TNKS1BP1: variants seen among roughly 807,000 people sequenced by gnomAD.
TNKS1BP1 encodes the protein 182 kDa tankyrase-1-binding protein.
In TNKS1BP1, 48 loss-of-function variants were observed where a neutral mutation model predicts 141.1. The ratio of observed to expected loss-of-function variants is 0.34; its 90% CI spans 0.27 to 0.43. The LOEUF is 0.43. TNKS1BP1 is among the 20% of genes least tolerant of loss of function. The pLI is 1.00. For synonymous variants in TNKS1BP1, 875 were observed against 898.2 expected (o/e 0.97, Z 0.46); for missense variants, 2,149 against 2,226.0 (o/e 0.97, Z 0.70).
chr11:57,322,573 A>AT (rs1307140636), intron 1 of TNKS1BP1, among the ~76,000 whole-genome samples: 1 of 152,104 alleles, frequency 6.6e-6, no homozygotes, highest in African/African-American at 2.4e-5. Flanking sequence ...TCTGGAATAT[A>AT]TTTTTTTCTT....
At chr11:57,300,252 G>A (rs1855505536) in intron 11 of TNKS1BP1, among the ~76,000 whole-genome samples, 171 bp from the exon 12 acceptor site, 1 of 152,198 alleles carries the variant, frequency 6.6e-6, no homozygotes, top group Admixed American at 6.5e-5. Flanking sequence ...GTCCAGCCAG[G>A]GAGCATGGGG....
In TNKS1BP1 at chr11:57,309,105, G is replaced by A; in HGVS notation, c.3606C>T (p.Asp1202=). The A allele has an allele frequency of 6.2e-7, 1 of 1,614,084 alleles. No individual in the cohort carries two copies. The highest frequency in any genetic ancestry group is 8.5e-7 in the Non-Finnish European group (1 of 1,180,004). ...MGWSGGLSLR[D]MNLTGCLESG... ...TTTCCAAACAGCCGGTCAGGTTCAT[G>A]TCTCTCAAGCTCAGGCCACCTGACC... Residue 1202 remains aspartate (D), a synonymous_variant, in exon 6 of 12, where the codon GAC becomes GAT. Transcript: ENST00000358252. The surrounding 1 kb of genome is among the most constrained non-coding windows in gnomAD (Gnocchi z 4.3).
rs760809695 is a variant in TNKS1BP1 at position 57,309,457 on chromosome 11, C to A, written c.3254G>T (p.Gly1085Val). 18 of 1,614,094 alleles carry A rather than the reference C, an allele frequency of 1.1e-5. No individual in the cohort carries two copies. Among genetic ancestry groups the A allele is most frequent in the Admixed American group, 6.7e-5 (4 of 60,020 alleles). ...DLEDGEMGKR[G>V]WVGEFSLSVG... is the part of the protein sequence containing the mutation. ...ACTGAGGCTAAACTCACCGACCCAG[C>A]CTCGCTTTCCCATCTCCCCATCTTC... is the stretch of plus-strand genomic sequence containing the variant. Residue 1085 changes from glycine (G) to valine (V), a missense_variant, in exon 6 of 12, where the codon GGC (glycine) becomes GTC (valine). Gly to Val is a moderately radical substitution (Grantham distance 109). Transcript: ENST00000358252. This position sits in a 1 kb window ranked among gnomAD's most constrained non-coding sequence, Gnocchi z 4.3.
chr11:57,309,493 C>T lies in TNKS1BP1; in HGVS notation c.3218G>A (p.Ser1073Asn). 5 of 1,613,980 alleles carry T rather than the reference C, an allele frequency of 3.1e-6. No homozygotes were observed. Among genetic ancestry groups the T allele is most frequent in the Non-Finnish European group, 4.2e-6 (5 of 1,180,042 alleles). The change falls in exon 6 of 12, where the codon AGT (serine) becomes AAT (asparagine). Residue 1073 changes from serine (S) to asparagine (N), a missense_variant. Transcript: ENST00000358252. The surrounding 1 kb of genome is among the most constrained non-coding windows in gnomAD (Gnocchi z 4.3). ...RQQAGAQGPG[S>N]ADLEDGEMGK... ...CATCTCCCCATCTTCCAGGTCAGCA[C>T]TGCCAGGGCCCTGAGCCCCTGCCTG...
chr11:57,306,903 T>TC (rs1554961750), intron 6 of TNKS1BP1, among the ~76,000 whole-genome samples: 1 of 70,176 alleles, frequency 1.4e-5, no homozygotes, highest in African/African-American at 7.5e-5. Flanking sequence ...GCTGTGGTGG[T>TC]GGGGGGGGGG....
Position 57,302,475 on chromosome 11 carries a change from T to C in TNKS1BP1, c.4667A>G (p.Asp1556Gly). 1.9e-6 allele frequency: 3 copies of C among 1,602,224 alleles called. No homozygotes were observed. The highest frequency in any genetic ancestry group is 1.7e-5 in the Admixed American group (1 of 59,578). ...TCCACTGACCTCAATGAAGGAGAAG[T>C]CCTGACTGGGGGATCTGGCAGGAGG... The part of the protein sequence containing the change: ...QGPPARSPSQ[D>G]FSFIEDTEIL... The change falls in exon 7 of 12, where the codon GAC becomes GGC. Residue 1556 changes from aspartate (D) to glycine (G), a missense_variant. Asp to Gly is a moderately conservative substitution (Grantham distance 94). Coordinates refer to ENST00000358252, the MANE Select transcript of TNKS1BP1 (RefSeq NM_033396.3). The surrounding 1 kb of genome is among the most constrained non-coding windows in gnomAD (Gnocchi z 5.5).
intron 2 of TNKS1BP1, among the ~76,000 whole-genome samples, chr11:57,321,543 C>T (rs1053108702): frequency 6.6e-6 from 1 of 152,234 alleles, no homozygotes; most frequent in African/African-American, 2.4e-5. Flanking sequence ...AAGCATGCAG[C>T]TTGATCCATA....
rs139060503 is a variant in TNKS1BP1, at chr11:57,309,149, C to T, written c.3562G>A (p.Ala1188Thr). The T allele has an allele frequency of 5.0e-6, 8 of 1,614,184 alleles. No homozygotes were observed. The highest frequency in any genetic ancestry group is 5.9e-6 in the Non-Finnish European group (7 of 1,180,034). The change falls in exon 6 of 12, where the codon GCC (alanine) becomes ACC (threonine). Residue 1188 changes from alanine (A) to threonine (T), a missense_variant. Coordinates refer to ENST00000358252, the MANE Select transcript of TNKS1BP1 (RefSeq NM_033396.3). The surrounding 1 kb of genome is among the most constrained non-coding windows in gnomAD (Gnocchi z 4.3). Reference protein sequence around the residue: ...SGGSSEARESAVGQMGWSGGL... With the variant: ...SGGSSEARESTVGQMGWSGGL... ...CCTGACCAGCCCATCTGTCCCACGG[C>T]ACTCTCCCTGGCCTCGCTCGAGCCC...
chr11:57,321,221 C>T (rs1030828849), intron 2 of TNKS1BP1, among the ~76,000 whole-genome samples: 8 of 152,104 alleles, frequency 5.3e-5, no homozygotes, highest in African/African-American at 1.9e-4. Flanking sequence ...ACCCACAGCA[C>T]ACTCCCAGGC....
In TNKS1BP1 at chr11:57,320,662, C is replaced by T. The variant is rs1272280694; in HGVS notation, c.145G>A (p.Ala49Thr). 2.5e-6 allele frequency: 4 copies of T among 1,609,690 alleles called. No individual in the cohort carries two copies. The highest frequency in any genetic ancestry group is 3.4e-6 in the Non-Finnish European group (4 of 1,178,446). ...GGTTTGGCAGGCAGGGCTGGCTTGG[C>T]AGGCAGGGCCCGGGGTTTGGGCTTG... ...PVKPKPRALP[A>T]KPALPAKPSL... The change falls in exon 3 of 12, where the codon GCC becomes ACC. Residue 49 changes from alanine (A) to threonine (T), a missense_variant. Transcript: ENST00000358252.
At chr11:57,322,447 G>T in intron 1 of TNKS1BP1, 1 of 372,874 alleles carries the variant, frequency 2.7e-6, no homozygotes, top group Non-Finnish European at 3.7e-6. Context: ...CCGCAGCTGG[G>T]AGTGGTTCCT....
chr11:57,301,996 G>A (rs145140192), intron 8 of TNKS1BP1, 53 bp from the exon 9 acceptor site: 27 of 1,608,288 alleles, frequency 1.7e-5, no homozygotes, highest in Middle Eastern at 1.7e-4. Context: ...CAGACTCCCC[G>A]AACCCATAAC....
In TNKS1BP1 at chr11:57,308,711, G is replaced by C. The variant is rs1322334908; in HGVS notation, c.4000C>G (p.Leu1334Val). The C allele has an allele frequency of 6.2e-7, 1 of 1,613,230 alleles. No homozygotes were observed. The highest frequency in any genetic ancestry group is 1.1e-5 in the South Asian group (1 of 91,080). Reference protein sequence around the residue: ...CDPDSGGSQGLRGCGVGQMDW... With the variant: ...CDPDSGGSQGVRGCGVGQMDW... Reference sequence around the variant, plus strand: ...ATCTGCCCCACTCCACATCCCCGTAGCCCCTGAGAACCTCCAGAGTCTGGG... The same window carrying C: ...ATCTGCCCCACTCCACATCCCCGTACCCCCTGAGAACCTCCAGAGTCTGGG... The change falls in exon 6 of 12, where the codon CTA becomes GTA. Residue 1334 changes from leucine to valine, a missense_variant. By Grantham distance (32) the Leu-to-Val change is conservative. Coordinates refer to ENST00000358252, the MANE Select transcript of TNKS1BP1 (RefSeq NM_033396.3).
rs1475071583 is a variant in TNKS1BP1, at chr11:57,320,702, C to T, written c.105G>A (p.Arg35=). Residue 35 remains arginine, a synonymous_variant, in exon 3 of 12, where the codon CGG becomes CGA. Coordinates refer to ENST00000358252, the MANE Select transcript of TNKS1BP1 (RefSeq NM_033396.3). ...VPTGSEPGDT[R]AKPPVKPKPR... ...GTTTGGGCTTGACAGGGGGTTTGGC[C>T]CGAGTGTCACCTACCAAAAGGAAAG... 11 of 1,579,256 alleles carry T rather than the reference C, an allele frequency of 7.0e-6. No homozygotes were observed. The highest frequency in any genetic ancestry group is 1.8e-5 in the Admixed American group (1 of 56,252).
At chr11:57,305,706 G>C (rs533359534) in intron 6 of TNKS1BP1, among the ~76,000 whole-genome samples, 1 of 152,144 alleles carries the variant, frequency 6.6e-6, no homozygotes, top group South Asian at 2.1e-4. Flanking sequence ...CGTGGGAACC[G>C]GTGCAAGTCA....
chr11:57,318,009 AT>A, intron 3 of TNKS1BP1, 122 bp from the exon 4 acceptor site: 1 of 867,000 alleles, frequency 1.2e-6, no homozygotes, highest in African/African-American at 1.7e-5. Flanking sequence ...CCTCCTAGCC[AT>A]TTACTCTTGA....
chr11:57,321,768 G>A, intron 2 of TNKS1BP1, 24 bp downstream of exon 2: 1 of 1,550,948 alleles, frequency 6.4e-7, no homozygotes, highest in South Asian at 1.2e-5. Flanking sequence ...CAGCCACCTG[G>A]CTCCACCCTG....
chr11:57,316,518 C>T (rs1855801160), intron 4 of TNKS1BP1, among the ~76,000 whole-genome samples: 1 of 152,184 alleles, frequency 6.6e-6, no homozygotes, highest in Non-Finnish European at 1.5e-5. Context: ...CTCCCCCGAT[C>T]CTGCTTCACC....
intron 5 of TNKS1BP1, among the ~76,000 whole-genome samples, chr11:57,311,789 G>A (rs917441314): frequency 6.6e-6 from 1 of 152,370 alleles, no homozygotes; most frequent in East Asian, 1.9e-4. Flanking sequence ...GCGCTGGCCC[G>A]GGCCCAGCCA....
Sources: allele counts gnomAD v4.1 joint callset (sites outside exome capture counted in the v4.1 genomes callset), GRCh38; gene constraint gnomAD v4.1.1; non-coding constraint Gnocchi (gnomAD v3.1); transcripts MANE v1.5; gene names NCBI Gene and HGNC (gene_info 2026-07-23, HGNC 2026-07-21).